Variants in KCNK12 observed in about 807,000 individuals in gnomAD.
KCNK12 encodes potassium two pore domain channel subfamily K member 12.
Under a neutral mutation model 25.3 loss-of-function variants are expected in KCNK12, and 6 were observed. The ratio of observed to expected loss-of-function variants is 0.24; its 90% confidence interval spans 0.13 to 0.47. KCNK12 has a LOEUF of 0.47. KCNK12 is among the 20% of genes least tolerant of loss of function. KCNK12 has a pLI of 0.99. For synonymous variants in KCNK12, 331 were observed against 311.1 expected, an observed-to-expected ratio of 1.06 and a Z score of -0.67; for missense variants, 444 against 661.7, an observed-to-expected ratio of 0.67 and a Z score of 3.61.
intron 1 of KCNK12, 32 bp from the exon 2 acceptor site, chr2:47,521,840 T>G (rs1573622154): frequency 2.0e-5 from 23 of 1,125,986 alleles, no homozygotes; most frequent in South Asian, 1.8e-4. Context: ...AGCGCGGTCC[T>G]GGCCGCGCAG....
chr2:47,518,479 C>A lies in KCNK12; in HGVS notation c.*2428G>T, dbSNP rs1668573848. On this transcript the variant is annotated 3_prime_UTR_variant, in exon 2 of 2. Transcript: ENST00000327876. The surrounding 1 kb of genome is among the most constrained non-coding windows in gnomAD (Gnocchi z 4.1). ...GGAAAACAAGTAAAAACAGCTGAGG[C>A]TGCAGCATAAGCAACTTAGGATAGA... 1 of 152,244 alleles carries A rather than the reference C, an allele frequency of 6.6e-6. No individual in the cohort carries two copies. Among genetic ancestry groups the A allele is most frequent in the Admixed American group, 6.5e-5 (1 of 15,282 alleles). The allele number at this position is 152,244 out of a possible 1,614,324, so 9.4% of individuals were successfully genotyped here.
intron 1 of KCNK12, among the ~76,000 whole-genome samples, chr2:47,539,802 C>G (rs183779719): frequency 6.6e-6 from 1 of 152,098 alleles, no homozygotes; most frequent in Non-Finnish European, 1.5e-5. Flanking sequence ...AGCCGCTTCC[C>G]GGGGAGGCCA....
In KCNK12 at chr2:47,565,015, A is replaced by G. The variant is rs1317213342; in HGVS notation, c.391+4926T>C. 1 of 151,812 alleles carries G rather than the reference A, an allele frequency of 6.6e-6. No homozygotes were observed. The highest frequency in any genetic ancestry group is 2.4e-5 in the African/African-American group (1 of 41,314). 9.4% of individuals were successfully genotyped at this position (151,812 alleles called of 1,614,324 possible). A position where few individuals can be genotyped will look rare whatever the true frequency, so the allele number is the denominator to read the frequency against. ...AGGCCCTGTCTCTTAAAAAAAAAAA[A>G]AAGTAGCCAGGTGTGGTGATGTGTG... On this transcript the variant is annotated intron_variant, in intron 1 of 1. Coordinates refer to ENST00000327876, the MANE Select transcript of KCNK12 (RefSeq NM_022055.2). This position sits in a 1 kb window ranked among gnomAD's most constrained non-coding sequence, Gnocchi z 5.0.
At chr2:47,522,319 A>G (rs574228460) in intron 1 of KCNK12, among the ~76,000 whole-genome samples, 2 of 152,350 alleles carry the variant, frequency 1.3e-5, no homozygotes, top group African/African-American at 4.8e-5. Context: ...AGATCTCTTC[A>G]AAGATATCTA....
chr2:47,553,421 G>T (rs905723622), intron 1 of KCNK12, among the ~76,000 whole-genome samples: 1 of 152,096 alleles, frequency 6.6e-6, no homozygotes, highest in Non-Finnish European at 1.5e-5. Flanking sequence ...GGGTGGGGGG[G>T]CACCCAGGAT....
chr2:47,520,789 T>G lies in KCNK12; in HGVS notation c.*118A>C, dbSNP rs1668633960. The G allele has an allele frequency of 9.0e-6, 7 of 774,026 alleles. No homozygotes were observed. Among genetic ancestry groups the G allele is most frequent in the Non-Finnish European group, 1.2e-5 (7 of 570,294 alleles). 47.9% of individuals were successfully genotyped at this position (774,026 alleles called of 1,614,324 possible). ...AATAGTATTTCTTTAAAAAAATTTT[T>G]TTTGTTTCATTTTATTGGATAAAGA... On this transcript the variant is annotated 3_prime_UTR_variant, in exon 2 of 2. Coordinates refer to ENST00000327876, the MANE Select transcript of KCNK12 (RefSeq NM_022055.2). The surrounding 1 kb of genome is among the most constrained non-coding windows in gnomAD (Gnocchi z 5.0).
intron 1 of KCNK12, among the ~76,000 whole-genome samples, chr2:47,541,563 T>C (rs986058464): frequency 1.3e-5 from 2 of 152,016 alleles, no homozygotes; most frequent in Non-Finnish European, 2.9e-5. Flanking sequence ...CATACATTCA[T>C]AGGTTGAGAT....
chr2:47,542,272 G>C (rs889496125), intron 1 of KCNK12, among the ~76,000 whole-genome samples: 7 of 152,232 alleles, frequency 4.6e-5, no homozygotes, highest in Non-Finnish European at 8.8e-5. Flanking sequence ...GTCTTCCTGA[G>C]GATGCTCAGA....
Position 47,510,954 on chromosome 2 carries a change from A to G in KCNK12, c.*9953T>C, listed in dbSNP as rs1453410453. 3.9e-5 allele frequency: 6 copies of G among 152,206 alleles called. No homozygotes were observed. The highest frequency in any genetic ancestry group is 4.8e-5 in the African/African-American group (2 of 41,438). 9.4% of individuals were successfully genotyped at this position (152,206 alleles called of 1,614,324 possible). The stretch of plus-strand genomic sequence containing the variant: ...CTTCTCTGAGCCTGCCCCTGGTGGT[A>G]TGACTGTGATATCCCTGCTTCTATA... On this transcript the variant is annotated 3_prime_UTR_variant, in exon 2 of 2. Transcript: ENST00000327876.
At chr2:47,532,527 AC>A (rs1454707134) in intron 1 of KCNK12, among the ~76,000 whole-genome samples, 2 of 151,978 alleles carry the variant, frequency 1.3e-5, no homozygotes, top group Admixed American at 1.3e-4. Context: ...ACACCTGGCA[AC>A]CGTTCTTTTG....
intron 1 of KCNK12, among the ~76,000 whole-genome samples, chr2:47,531,162 A>G (rs1668917088): frequency 6.6e-6 from 1 of 152,158 alleles, no homozygotes; most frequent in Non-Finnish European, 1.5e-5. Context: ...AAGAAGAGAT[A>G]TTTGTGTTCA....
In KCNK12 at chr2:47,513,493, C is replaced by A. The variant is rs1162413567; in HGVS notation, c.*7414G>T. ...CTGTCCCTTAAATGCTGGTTGTGAT[C>A]CTCTTTTTATCTCATTCTACACACT... On this transcript the variant is annotated 3_prime_UTR_variant, in exon 2 of 2. Coordinates refer to ENST00000327876, the MANE Select transcript of KCNK12 (RefSeq NM_022055.2). Among the ~76,000 whole-genome samples the A allele has an allele frequency of 4.0e-5, 6 of 151,288 alleles. No individual in the cohort carries two copies.
intron 1 of KCNK12, chr2:47,564,609 A>G (rs1171655715): frequency 1.1e-5 from 2 of 186,326 alleles, no homozygotes; most frequent in Non-Finnish European, 2.3e-5. Context: ...TCTTTTTCCT[A>G]CAAAAGGCAT....
At chr2:47,553,068 G>C (rs1669473190) in intron 1 of KCNK12, among the ~76,000 whole-genome samples, 1 of 152,112 alleles carries the variant, frequency 6.6e-6, no homozygotes, top group South Asian at 2.1e-4. Flanking sequence ...AGCATCCTGG[G>C]CTGCCATATA....
chr2:47,521,175 CGCA>C lies in KCNK12; in HGVS notation c.1022_1024del (p.Leu341del). 7.6e-7 allele frequency: 1 copy of C among 1,307,808 alleles called. No individual in the cohort carries two copies. Among genetic ancestry groups the C allele is most frequent in the East Asian group, 3.1e-5 (1 of 31,834 alleles). 81.0% of individuals were successfully genotyped at this position (1,307,808 alleles called of 1,614,324 possible). A position where few individuals can be genotyped will look rare whatever the true frequency, so the allele number is the denominator to read the frequency against. Reference sequence around the variant, plus strand: ...GGCACCGAGCGCGGCCAGGCGGCGGCGCAGCCGGGAGCCTGGGGTGATGGCATT... The same window carrying C: ...GGCACCGAGCGCGGCCAGGCGGCGGCGCCGGGAGCCTGGGGTGATGGCATT... On this transcript the variant is annotated inframe_deletion, in exon 2 of 2. Transcript: ENST00000327876.
At chr2:47,530,616 C>T (rs893108803) in intron 1 of KCNK12, among the ~76,000 whole-genome samples, 2 of 152,238 alleles carry the variant, frequency 1.3e-5, no homozygotes, top group Non-Finnish European at 2.9e-5. Context: ...CTCACAACAA[C>T]TGCATGAGGC....
chr2:47,542,788 A>G (rs1266488746), intron 1 of KCNK12, among the ~76,000 whole-genome samples: 3 of 152,242 alleles, frequency 2.0e-5, no homozygotes, highest in Admixed American at 2.0e-4. Context: ...TCACTCATGC[A>G]CAGCGACAAG....
intron 1 of KCNK12, chr2:47,535,287 C>A (rs34713419): frequency 0.44 from 101,555 of 232,906 alleles, 23,438 homozygotes; most frequent in African/African-American, 0.63. Flanking sequence ...CTAGCCCGAC[C>A]TGCACCTGCC....
At chr2:47,536,551 A>T (rs1669072969) in intron 1 of KCNK12, among the ~76,000 whole-genome samples, 2 of 152,184 alleles carry the variant, frequency 1.3e-5, no homozygotes, top group African/African-American at 4.8e-5. Flanking sequence ...TGTGCCAGAC[A>T]TGAGGGCAGG....
Sources: gnomAD v4.1 joint callset for allele counts (sites outside exome capture counted in the v4.1 genomes callset) on GRCh38, gnomAD v4.1.1 for gene constraint, Gnocchi (gnomAD v3.1) non-coding constraint, MANE v1.5 for transcripts, NCBI Gene and HGNC (gene_info 2026-07-23, HGNC 2026-07-21) for gene names.